Variants in RBFOX3 observed in about 807,000 individuals in gnomAD.
RBFOX3 encodes the protein RNA binding protein fox-1 homolog 3.
A neutral mutation model predicts 48.7 loss-of-function variants in RBFOX3; 17 were observed. The ratio of observed to expected loss-of-function variants is 0.35; its 90% CI spans 0.24 to 0.52. RBFOX3 has a LOEUF of 0.52. Among genes scored for constraint, RBFOX3 ranks in the 20% least tolerant of loss-of-function variants. The pLI is 0.94. For synonymous variants in RBFOX3, 212 were observed against 209.5 expected, an observed-to-expected ratio of 1.01 and a Z score of -0.10; for missense variants, 382 against 497.5, an observed-to-expected ratio of 0.77 and a Z score of 2.21.
At chr17:79,201,424 G>A (rs2056740558) in intron 4 of RBFOX3, among the ~76,000 whole-genome samples, 1 of 151,820 alleles carries the variant, frequency 6.6e-6, no homozygotes, top group Non-Finnish European at 1.5e-5. Context: ...CGAGAAGCAG[G>A]TGGCCTGCTG....
chr17:79,103,360 G>GGA lies in RBFOX3; in HGVS notation c.415-108_415-107dup, dbSNP rs937735817. ...GAGTGGGAGGGGGGCAGGGGAGTGGGGAGAGAGAGAGAAGGGGTTGAGTCA... is the reference window on the plus strand; with the variant it reads ...GAGTGGGAGGGGGGCAGGGGAGTGGGGAGAGAGAGAGAGAAGGGGTTGAGTCA... On this transcript the variant is annotated intron_variant, in intron 7 of 14. Coordinates refer to ENST00000693108, the MANE Select transcript of RBFOX3 (RefSeq NM_001350451.2). This position sits in a 1 kb window ranked among gnomAD's most constrained non-coding sequence, Gnocchi z 6.1. The GGA allele has an allele frequency of 1.2e-5, 9 of 764,820 alleles. No individual in the cohort carries two copies. Among genetic ancestry groups the GGA allele is most frequent in the South Asian group, 4.7e-5 (3 of 63,194 alleles). The allele number at this position is 764,820 out of a possible 1,614,324, so 47.4% of individuals were successfully genotyped here.
At position 79,095,533 on chromosome 17, in the gene RBFOX3, C is replaced by T. The variant is rs780865169; in HGVS notation, c.978G>A (p.Ala326=). Residue 326 remains alanine, a synonymous_variant, in exon 13 of 15, where the codon GCG becomes GCA. Transcript: ENST00000693108. ...CTCACCTGTCGCTGTAGGCTGCCGC[C>T]GCTGCAGCGGGCTGAGCGTATCTGT... ...AAYRYAQPAA[A]AAAYSDSYGR... is the part of the protein sequence containing the mutation. 95 of 1,551,258 alleles carry T rather than the reference C, an allele frequency of 6.1e-5. No homozygotes were observed. The highest frequency in any genetic ancestry group is 8.0e-5 in the Non-Finnish European group (92 of 1,146,782).
chr17:79,394,174 C>T (rs1208899818), intron 2 of RBFOX3, among the ~76,000 whole-genome samples: 2 of 152,214 alleles, frequency 1.3e-5, no homozygotes, highest in African/African-American at 4.8e-5. Flanking sequence ...TCGGTCATCA[C>T]ACACACATCT....
intron 4 of RBFOX3, among the ~76,000 whole-genome samples, chr17:79,169,683 G>A (rs547590007): frequency 1.3e-4 from 20 of 152,322 alleles, no homozygotes; most frequent in Admixed American, 7.8e-4. Flanking sequence ...CAGGAAGGCC[G>A]CACACGGGTG....
intron 2 of RBFOX3, among the ~76,000 whole-genome samples, chr17:79,383,897 G>A (rs1478054062): frequency 3.3e-5 from 5 of 152,136 alleles, no homozygotes; most frequent in African/African-American, 1.2e-4. Context: ...AGGTGTAGTG[G>A]CCCCCGGGAC....
chr17:79,327,360 G>C (rs2079492441), intron 2 of RBFOX3, among the ~76,000 whole-genome samples: 1 of 152,184 alleles, frequency 6.6e-6, no homozygotes, highest in South Asian at 2.1e-4. Context: ...CAAGCTCTGA[G>C]ACTCCAGTCA....
At chr17:79,123,584 T>G (rs557261188) in intron 4 of RBFOX3, among the ~76,000 whole-genome samples, 1 of 151,896 alleles carries the variant, frequency 6.6e-6, no homozygotes. Context: ...ACGGCCCTAA[T>G]GGATGGATCA....
intron 3 of RBFOX3, among the ~76,000 whole-genome samples, chr17:79,284,355 C>T (rs1367358872): frequency 1.3e-5 from 2 of 152,186 alleles, no homozygotes; most frequent in Non-Finnish European, 2.9e-5. Context: ...TAATAACTTT[C>T]TTCAATGTTT....
intron 2 of RBFOX3, among the ~76,000 whole-genome samples, chr17:79,442,376 A>G (rs56004097): frequency 2.7e-5 from 2 of 75,428 alleles, no homozygotes; most frequent in African/African-American, 6.6e-5. Context: ...AGAGAGAGAG[A>G]GAGAGAGAGA....
intron 5 of RBFOX3, among the ~76,000 whole-genome samples, chr17:79,112,321 G>A (rs1052256796): frequency 2.0e-4 from 31 of 152,212 alleles, no homozygotes; most frequent in Non-Finnish European, 2.9e-5. Flanking sequence ...TGTGACTAGG[G>A]GTTGAGGGGT....
At chr17:79,589,279 AGCGAGGATCC>A (rs1281514278) in intron 1 of RBFOX3, among the ~76,000 whole-genome samples, 9 of 132,816 alleles carry the variant, frequency 6.8e-5, no homozygotes, top group African/African-American at 2.5e-4. Context: ...GGGGGCTCTG[AGCGAGGATCC>A]GCCCCAGGGC....
chr17:79,500,316 G>A (rs2082221688), intron 1 of RBFOX3, among the ~76,000 whole-genome samples: 4 of 150,222 alleles, frequency 2.7e-5, no homozygotes, highest in African/African-American at 2.5e-5. Flanking sequence ...GGAGTGCAAG[G>A]GTGCAATCTC....
At chr17:79,146,795 G>A (rs1170820194) in intron 4 of RBFOX3, among the ~76,000 whole-genome samples, 2 of 152,228 alleles carry the variant, frequency 1.3e-5, no homozygotes, top group African/African-American at 4.8e-5. Flanking sequence ...TCCTGCAGAA[G>A]CTGGGGAAGA....
At chr17:79,570,810 C>T (rs939572259) in intron 1 of RBFOX3, among the ~76,000 whole-genome samples, 1 of 152,176 alleles carries the variant, frequency 6.6e-6, no homozygotes, top group Non-Finnish European at 1.5e-5. Flanking sequence ...ATGCAGGGCT[C>T]ACATCTTTCC....
At chr17:79,541,156 C>G (rs1268157480) in intron 1 of RBFOX3, among the ~76,000 whole-genome samples, 1 of 152,082 alleles carries the variant, frequency 6.6e-6, no homozygotes, top group Non-Finnish European at 1.5e-5. Flanking sequence ...CAAGCCACAG[C>G]CTTTCAATTC....
At chr17:79,566,342 C>T (rs1266550965) in intron 1 of RBFOX3, among the ~76,000 whole-genome samples, 3 of 152,210 alleles carry the variant, frequency 2.0e-5, no homozygotes, top group Non-Finnish European at 2.9e-5. Context: ...CTGTAAGAAG[C>T]GGCCAGCGCT....
At chr17:79,623,575 G>A in the RBFOX3 span, among the ~76,000 whole-genome samples, 1 of 152,178 alleles carries the variant, frequency 6.6e-6, no homozygotes, top group Non-Finnish European at 1.5e-5. Flanking sequence ...CACTTTGGGA[G>A]GCCAAGGCGG....
chr17:79,134,144 C>T (rs967439899), intron 4 of RBFOX3, among the ~76,000 whole-genome samples: 1 of 152,224 alleles, frequency 6.6e-6, no homozygotes, highest in Non-Finnish European at 1.5e-5. Flanking sequence ...TTCCCCTGTC[C>T]CTCCCACGGT....
the RBFOX3 span, among the ~76,000 whole-genome samples, chr17:79,636,789 A>G: frequency 2.0e-5 from 3 of 152,200 alleles, no homozygotes; most frequent in Middle Eastern, 3.2e-3. Flanking sequence ...AATTAATAAA[A>G]TGACAAGAGT....
Sources: allele counts gnomAD v4.1 joint callset (sites outside exome capture counted in the v4.1 genomes callset), GRCh38; gene constraint gnomAD v4.1.1; non-coding constraint Gnocchi (gnomAD v3.1); transcripts MANE v1.5; gene names NCBI Gene and HGNC (gene_info 2026-07-23, HGNC 2026-07-21).